The following CHL1 variants were observed in gnomAD, a reference collection of about 807,000 sequenced individuals.
CHL1 encodes neural cell adhesion molecule L1-like protein.
A neutral mutation model predicts 141.9 loss-of-function variants in CHL1; 96 were observed. The ratio of observed to expected loss-of-function variants is 0.68; its 90% CI spans 0.57 to 0.80. The LOEUF (loss-of-function observed/expected upper bound fraction) is 0.80, where lower values mean the gene tolerates loss of function less well. CHL1 is among the 30% of genes least tolerant of loss of function. The pLI is 0.00. For missense variants in CHL1, 1,820 were observed against 1,457.2 expected (o/e 1.25, Z -4.05); for synonymous variants, 613 against 502.2 (o/e 1.22, Z -2.95).
chr3:372,706 G>A (rs1705791497), intron 15 of CHL1, among the ~76,000 whole-genome samples: 1 of 151,994 alleles, frequency 6.6e-6, no homozygotes, highest in Non-Finnish European at 1.5e-5. Flanking sequence ...TTTTTTTGTT[G>A]ATTCTTTCTC....
At position 390,751 on chromosome 3, in the gene CHL1, T is replaced by G. The variant is rs1326613399; in HGVS notation, c.2521T>G (p.Leu841Val). The G allele has an allele frequency of 6.2e-7, 1 of 1,612,362 alleles. No individual in the cohort carries two copies. The highest frequency in any genetic ancestry group is 1.7e-5 in the Admixed American group (1 of 60,026). The change falls in exon 21 of 28, where the codon TTA (leucine) becomes GTA (valine). Residue 841 changes from leucine (L) to valine (V), a missense_variant. Leu to Val is a conservative substitution (Grantham distance 32, BLOSUM62 1). Coordinates refer to ENST00000256509, the MANE Select transcript of CHL1 (RefSeq NM_006614.4). ...IHGVDVINST[L>V]VKVTWSTVPK... ...TGGGGTGGACGTTATAAACAGTACA[T>G]TAGTTAAAGTTACCTGGTCAACAGT... is the stretch of plus-strand genomic sequence containing the variant.
chr3:383,681 A>G, intron 18 of CHL1, 135 bp from the exon 19 acceptor site: 1 of 537,932 alleles, frequency 1.9e-6, no homozygotes, highest in Non-Finnish European at 3.3e-6. Flanking sequence ...CTTTTTAGGA[A>G]CTGGACCAGA....
At chr3:310,885 A>G (rs1699699961) in intron 2 of CHL1, among the ~76,000 whole-genome samples, 1 of 152,196 alleles carries the variant, frequency 6.6e-6, no homozygotes, top group Non-Finnish European at 1.5e-5. Context: ...CCTCCTATTC[A>G]TTCCCTCTTC....
chr3:240,579 G>T (rs1692460067), intron 1 of CHL1, among the ~76,000 whole-genome samples: 2 of 152,084 alleles, frequency 1.3e-5, no homozygotes, highest in Admixed American at 1.3e-4. Context: ...TGTTCATTTT[G>T]CTGAGCAGAA....
At chr3:373,179 T>C (rs2125336683) in intron 15 of CHL1, among the ~76,000 whole-genome samples, 1 of 152,332 alleles carries the variant, frequency 6.6e-6, no homozygotes, top group Admixed American at 6.5e-5. Context: ...CTGGGCTGCC[T>C]GGATTCCTCA....
intron 2 of CHL1, among the ~76,000 whole-genome samples, chr3:307,122 G>C (rs766629666): frequency 1.3e-5 from 2 of 152,062 alleles, no homozygotes; most frequent in Non-Finnish European, 2.9e-5. Context: ...TTGGTCATTA[G>C]GTTACTTTTT....
chr3:372,188 T>C (rs1705725059), intron 15 of CHL1, among the ~76,000 whole-genome samples: 1 of 152,216 alleles, frequency 6.6e-6, no homozygotes, highest in Non-Finnish European at 1.5e-5. Flanking sequence ...CTGGATAATA[T>C]CCGGAAGTGT....
At chr3:388,431 C>T (rs1707937211) in intron 19 of CHL1, among the ~76,000 whole-genome samples, 1 of 151,916 alleles carries the variant, frequency 6.6e-6, no homozygotes, top group Admixed American at 6.6e-5. Flanking sequence ...CCTGTAATCC[C>T]AGCTACTCAG....
At chr3:398,637 T>C (rs1167680902) in intron 25 of CHL1, among the ~76,000 whole-genome samples, 2 of 152,194 alleles carry the variant, frequency 1.3e-5, no homozygotes, top group Non-Finnish European at 2.9e-5. Flanking sequence ...CATATCTTAA[T>C]AACACAAACT....
chr3:203,432 T>C (rs567939083), intron 1 of CHL1, among the ~76,000 whole-genome samples: 2 of 152,378 alleles, frequency 1.3e-5, no homozygotes, highest in South Asian at 2.1e-4. Flanking sequence ...GAAAGACATA[T>C]CTTCGCTGGG....
intron 20 of CHL1, among the ~76,000 whole-genome samples, 199 bp from the exon 21 acceptor site, chr3:390,502 G>A (rs547847724): frequency 1.3e-5 from 2 of 152,264 alleles, no homozygotes; most frequent in East Asian, 3.9e-4. Context: ...TTCTCAGTGT[G>A]ATACAGTCTG....
chr3:264,285 C>T (rs1041231658), intron 2 of CHL1, among the ~76,000 whole-genome samples: 21 of 152,188 alleles, frequency 1.4e-4, no homozygotes, highest in African/African-American at 4.8e-4. Flanking sequence ...TTGCTTTCTT[C>T]CCTACACTTA....
intron 1 of CHL1, among the ~76,000 whole-genome samples, chr3:202,067 C>A (rs1417205285): frequency 6.6e-6 from 1 of 152,170 alleles, no homozygotes; most frequent in African/African-American, 2.4e-5. Flanking sequence ...TGCCAGGGTT[C>A]AAAATCTAAG....
intron 14 of CHL1, among the ~76,000 whole-genome samples, chr3:364,985 G>A (rs1285039010): frequency 1.3e-5 from 2 of 152,210 alleles, no homozygotes; most frequent in Non-Finnish European, 2.9e-5. Flanking sequence ...GAAGTAGGAT[G>A]TCAAATAATT....
intron 1 of CHL1, among the ~76,000 whole-genome samples, chr3:214,818 T>C (rs1221507180): frequency 6.6e-6 from 1 of 152,024 alleles, no homozygotes; most frequent in Non-Finnish European, 1.5e-5. Context: ...ATAGTTAGAG[T>C]GATGTGAAAT....
chr3:354,699 A>G lies in CHL1; in HGVS notation c.1093A>G (p.Ile365Val). The G allele has an allele frequency of 6.2e-7, 1 of 1,614,050 alleles. No homozygotes were observed. Among genetic ancestry groups the G allele is most frequent in the Non-Finnish European group, 8.5e-7 (1 of 1,179,930 alleles). ...TGTGTATAGCACCGGAAGCAATGGC[A>G]TCTTGTTATGTGAGGCTGAAGGAGA... ...SAVYSTGSNG[I>V]LLCEAEGEPQ... The change falls in exon 11 of 28, where the codon ATC (isoleucine) becomes GTC (valine). Residue 365 changes from isoleucine (I) to valine (V), a missense_variant. Transcript: ENST00000256509.
intron 1 of CHL1, among the ~76,000 whole-genome samples, chr3:225,871 T>A (rs1033244113): frequency 2.5e-4 from 38 of 151,708 alleles, no homozygotes; most frequent in Admixed American, 2.5e-3. Context: ...TAGCCAGGTG[T>A]GGTGGCAGGC....
intron 2 of CHL1, among the ~76,000 whole-genome samples, chr3:261,868 T>C (rs923432428): frequency 6.6e-6 from 1 of 152,182 alleles, no homozygotes; most frequent in Non-Finnish European, 1.5e-5. Flanking sequence ...ATGTTCTTAA[T>C]AACTTCCTTT....
At chr3:219,136 G>GAGATCCCATCACAAAAA (rs1700595183) in intron 1 of CHL1, among the ~76,000 whole-genome samples, 1 of 119,806 alleles carries the variant, frequency 8.3e-6, no homozygotes, top group African/African-American at 2.8e-5. Flanking sequence ...GCGACAGAGT[G>GAGATCCCATCACAAAAA]AGACTCTGTC....
Sources: gnomAD v4.1 joint callset for allele counts (sites outside exome capture counted in the v4.1 genomes callset) on GRCh38, gnomAD v4.1.1 for gene constraint, MANE v1.5 for transcripts, NCBI Gene and HGNC (gene_info 2026-07-23, HGNC 2026-07-21) for gene names.